FGD6: variants seen among roughly 807,000 people sequenced by gnomAD.
FGD6 encodes the protein FYVE, RhoGEF and PH domain-containing protein 6.
In FGD6, 90 loss-of-function variants were observed where a neutral mutation model predicts 149.4. That is an observed-to-expected ratio of 0.60 (90% CI 0.51 to 0.72). The LOEUF is 0.72. FGD6 is among the 30% of genes least tolerant of loss of function. The pLI, the probability that FGD6 is intolerant of heterozygous loss-of-function variation, is 0.00. For missense variants in FGD6, 1,437 were observed against 1,684.8 expected (o/e 0.85, Z 2.57); for synonymous variants, 527 against 584.0 (o/e 0.90, Z 1.41).
chr12:95,132,567 A>G (rs1430666387), intron 8 of FGD6, among the ~76,000 whole-genome samples: 1 of 152,086 alleles, frequency 6.6e-6, no homozygotes, highest in East Asian at 1.9e-4. Flanking sequence ...CCTGGCCAAC[A>G]TGTTGAAACC....
chr12:95,098,103 A>G (rs1878300466), intron 14 of FGD6, among the ~76,000 whole-genome samples: 1 of 152,080 alleles, frequency 6.6e-6, no homozygotes, highest in Non-Finnish European at 1.5e-5. Context: ...CCTTACAGAA[A>G]CTGCCCCTTG....
At chr12:95,095,192 G>A (rs1359217455) in intron 14 of FGD6, among the ~76,000 whole-genome samples, 1 of 152,070 alleles carries the variant, frequency 6.6e-6, no homozygotes, top group Non-Finnish European at 1.5e-5. Context: ...ATATTTTTTT[G>A]TATTAGAAAG....
At chr12:95,125,862 A>G (rs928434112) in intron 8 of FGD6, 1 of 1,123,342 alleles carries the variant, frequency 8.9e-7, no homozygotes, top group Non-Finnish European at 1.4e-6. Context: ...TGATCAGAAC[A>G]GGGCTTTGGT....
rs552888753 is a variant in FGD6 at position 95,129,571 on chromosome 12, C to T, written c.3082+5168G>A. Among the ~76,000 whole-genome samples the T allele has an allele frequency of 7.2e-5, 11 of 152,316 alleles. No individual in the cohort carries two copies. In the South Asian group the frequency reaches 2.1e-3, roughly 29 times the overall value. On this transcript the variant is annotated intron_variant, in intron 8 of 20. Coordinates refer to ENST00000343958, the MANE Select transcript of FGD6 (RefSeq NM_018351.4). ...GTAAAAGTTAAGGCTGCTCTGATAACTACAAGTTAAGAAAACAGATAAGTC... is the reference window on the plus strand; with the variant it reads ...GTAAAAGTTAAGGCTGCTCTGATAATTACAAGTTAAGAAAACAGATAAGTC...
chr12:95,140,720 GA>G (rs1254603542), intron 6 of FGD6, among the ~76,000 whole-genome samples: 1 of 152,206 alleles, frequency 6.6e-6, no homozygotes, highest in African/African-American at 2.4e-5. Context: ...TGCAGCTCCA[GA>G]AGGTAAATAA....
rs558486408 is a variant in FGD6 at position 95,078,987 on chromosome 12, T to C, written c.*2533A>G. On this transcript the variant is annotated 3_prime_UTR_variant, in exon 21 of 21. Transcript: ENST00000343958. ...CCTTGGAATCTAGATACTACTTAACTTTTCTCCCCATTTATAGACTGTGCC... is the reference window on the plus strand; with the variant it reads ...CCTTGGAATCTAGATACTACTTAACCTTTCTCCCCATTTATAGACTGTGCC... The C allele has an allele frequency of 2.0e-5, 3 of 152,340 alleles. No homozygotes were observed. The South Asian group carries it at 6.2e-4, about 32-fold the overall frequency. 9.4% of individuals were successfully genotyped at this position (152,340 alleles called of 1,614,324 possible).
At chr12:95,185,425 C>T (rs1041248564) in intron 2 of FGD6, among the ~76,000 whole-genome samples, 2 of 151,864 alleles carry the variant, frequency 1.3e-5, no homozygotes, top group Non-Finnish European at 2.9e-5. Context: ...TACATTTCTA[C>T]GAGGGAAGGA....
intron 14 of FGD6, among the ~76,000 whole-genome samples, chr12:95,102,194 A>C (rs1238366606): frequency 1.3e-5 from 2 of 151,922 alleles, no homozygotes; most frequent in African/African-American, 4.8e-5. Flanking sequence ...CTGTAATCCC[A>C]GCACTTTGGG....
At chr12:95,168,311 A>C (rs1182727377) in intron 3 of FGD6, among the ~76,000 whole-genome samples, 1 of 152,222 alleles carries the variant, frequency 6.6e-6, no homozygotes, top group South Asian at 2.1e-4. Flanking sequence ...ATTTATTGGT[A>C]AGATTACAGA....
At chr12:95,119,421 C>A (rs6538597) in intron 8 of FGD6, among the ~76,000 whole-genome samples, 95,388 of 152,004 alleles carry the variant, frequency 0.63, 30,205 homozygotes, top group East Asian at 0.68. Flanking sequence ...CTTGATTTGA[C>A]TTAAAAACCA....
At chr12:95,132,170 G>A (rs983440046) in intron 8 of FGD6, among the ~76,000 whole-genome samples, 1 of 151,954 alleles carries the variant, frequency 6.6e-6, no homozygotes, top group Non-Finnish European at 1.5e-5. Flanking sequence ...TTTTGTTTAA[G>A]AGACGGAATT....
intron 2 of FGD6, among the ~76,000 whole-genome samples, chr12:95,185,528 C>A (rs1881403624): frequency 6.6e-6 from 1 of 152,124 alleles, no homozygotes; most frequent in Admixed American, 6.6e-5. Flanking sequence ...GTGTAACTGG[C>A]TAGTTAATTG....
At chr12:95,133,429 G>A (rs1367987004) in intron 8 of FGD6, among the ~76,000 whole-genome samples, 1 of 152,176 alleles carries the variant, frequency 6.6e-6, no homozygotes, top group Non-Finnish European at 1.5e-5. Context: ...CTCGTGAGCA[G>A]TCTGTCACTA....
intron 2 of FGD6, among the ~76,000 whole-genome samples, chr12:95,201,495 C>G (rs982190276): frequency 9.2e-5 from 14 of 152,178 alleles, no homozygotes; most frequent in African/African-American, 3.4e-4. Context: ...AACCCCCACT[C>G]AGTTATGACT....
chr12:95,104,773 T>C (rs1878554237), intron 14 of FGD6, among the ~76,000 whole-genome samples: 1 of 151,604 alleles, frequency 6.6e-6, no homozygotes, highest in African/African-American at 2.4e-5. Flanking sequence ...GTTAGCCGGG[T>C]ATGGTAGTGC....
intron 20 of FGD6, 102 bp from the exon 21 acceptor site, chr12:95,081,658 A>C: frequency 3.5e-6 from 2 of 564,834 alleles, no homozygotes; most frequent in Non-Finnish European, 6.0e-6. Flanking sequence ...TACCATAACA[A>C]CATAGGTAAG....
chr12:95,167,967 TC>T (rs1407329670), intron 3 of FGD6, among the ~76,000 whole-genome samples: 2 of 152,326 alleles, frequency 1.3e-5, no homozygotes, highest in East Asian at 3.9e-4. Context: ...GGGTCCAATG[TC>T]ATCCTTTTGC....
chr12:95,111,198 C>T (rs1878811571), intron 9 of FGD6, among the ~76,000 whole-genome samples: 1 of 152,138 alleles, frequency 6.6e-6, no homozygotes, highest in South Asian at 2.1e-4. Context: ...CCAGGCTGGT[C>T]TTGAATTCCT....
At chr12:95,193,207 T>C (rs1248011883) in intron 2 of FGD6, among the ~76,000 whole-genome samples, 2 of 152,206 alleles carry the variant, frequency 1.3e-5, no homozygotes, top group Non-Finnish European at 2.9e-5. Context: ...TGAATGTTCA[T>C]GACAGATTTA....
Sources: gnomAD v4.1 joint callset for allele counts (sites outside exome capture counted in the v4.1 genomes callset) on GRCh38, gnomAD v4.1.1 for gene constraint, MANE v1.5 for transcripts, NCBI Gene and HGNC (gene_info 2026-07-23, HGNC 2026-07-21) for gene names.